The following SLC8A1 variants were observed in gnomAD, a reference collection of about 807,000 sequenced individuals.
SLC8A1 encodes sodium/calcium exchanger 1.
In SLC8A1, 18 loss-of-function variants were observed where a neutral mutation model predicts 68.3. That is an observed-to-expected ratio of 0.26 (90% CI 0.18 to 0.39). The LOEUF is 0.39. SLC8A1 is among the 10% of genes least tolerant of loss of function. SLC8A1 has a pLI of 1.00. For missense variants in SLC8A1, 985 were observed against 1,156.7 expected (o/e 0.85, Z 2.15); for synonymous variants, 475 against 415.5 (o/e 1.14, Z -1.74).
chr2:40,236,326 G>C (rs763216652), intron 2 of SLC8A1, among the ~76,000 whole-genome samples: 14 of 152,226 alleles, frequency 9.2e-5, no homozygotes, highest in Non-Finnish European at 1.6e-4. Context: ...AGCTCTTCTT[G>C]TTGAATTGAT....
At chr2:40,304,033 C>T (rs1227376268) in intron 2 of SLC8A1, among the ~76,000 whole-genome samples, 1 of 152,194 alleles carries the variant, frequency 6.6e-6, no homozygotes, top group Non-Finnish European at 1.5e-5. Context: ...AGGTCAACAT[C>T]TCCTTATGAA....
At chr2:40,457,964 A>T (rs576976578) in intron 1 of SLC8A1, among the ~76,000 whole-genome samples, 2 of 152,274 alleles carry the variant, frequency 1.3e-5, no homozygotes, top group African/African-American at 2.4e-5. Context: ...TGGGTTATTT[A>T]AAAAAATACT....
intron 1 of SLC8A1, among the ~76,000 whole-genome samples, chr2:40,480,724 G>A (rs1299583712): frequency 6.6e-6 from 1 of 152,166 alleles, no homozygotes; most frequent in Non-Finnish European, 1.5e-5. Context: ...GGCATGTCAA[G>A]TGCTCTAGAA....
chr2:40,319,866 T>C (rs2074970245), intron 2 of SLC8A1, among the ~76,000 whole-genome samples: 1 of 152,094 alleles, frequency 6.6e-6, no homozygotes, highest in Non-Finnish European at 1.5e-5. Context: ...ACAATTTTGC[T>C]CCTCCTTCTG....
chr2:40,428,804 C>G, exon 2 of SLC8A1: 1 of 1,613,822 alleles, frequency 6.2e-7, no homozygotes, highest in Non-Finnish European at 8.5e-7. Context: ...CTGAGATGCA[C>G]AAGGAAATTT....
intron 7 of SLC8A1, among the ~76,000 whole-genome samples, chr2:40,126,129 C>T (rs2038040616): frequency 6.6e-6 from 1 of 152,124 alleles, no homozygotes; most frequent in Non-Finnish European, 1.5e-5. Flanking sequence ...GGTCCTCATG[C>T]TGCCAGTACA....
In SLC8A1 at chr2:40,391,298, T is replaced by C. The variant is rs73928970; in HGVS notation, c.1808+37175A>G. 3.1e-3 allele frequency among the ~76,000 whole-genome samples: 478 copies of C among 152,060 alleles called. 2 individuals are homozygous for C. Among genetic ancestry groups the C allele is most frequent in the African/African-American group, 0.011 (454 of 41,508 alleles). ...AAGACTTTGAAGAAAAGCAGTTTAT[T>C]TGCTACTCAGAAAGGGAAAGTGATG... On this transcript the variant is annotated intron_variant, in intron 2 of 7. Transcript: ENST00000406785.
At chr2:40,503,095 G>A (rs1706146812) in intron 1 of SLC8A1, among the ~76,000 whole-genome samples, 1 of 151,924 alleles carries the variant, frequency 6.6e-6, no homozygotes, top group African/African-American at 2.4e-5. Flanking sequence ...AAAATTCCTT[G>A]AGCTGCATAA....
rs74466160 is a variant in SLC8A1 at position 40,366,700 on chromosome 2, C to A, written c.1808+61773G>T. Among the ~76,000 whole-genome samples, 384 of 151,724 alleles carry A rather than the reference C, an allele frequency of 2.5e-3. 1 individual carries two copies. The highest frequency in any genetic ancestry group is 4.4e-3 in the Non-Finnish European group (299 of 67,878). On this transcript the variant is annotated intron_variant, in intron 2 of 7. Coordinates refer to ENST00000406785, the Ensembl canonical transcript of SLC8A1. ...TTTTTCTGGCCCTTTAACTCCAGTA[C>A]CTTCTTTACTATCTCTGTTCCATAC...
At chr2:40,194,468 AAT>A (rs1491539392) in intron 2 of SLC8A1, among the ~76,000 whole-genome samples, 26 of 126,768 alleles carry the variant, frequency 2.1e-4, no homozygotes, top group East Asian at 1.2e-3. Context: ...CTCAGTAAGC[AAT>A]GTGTGTGTGT....
chr2:40,139,490 C>A (rs1264927475), exon 7 of SLC8A1: 1 of 1,614,172 alleles, frequency 6.2e-7, no homozygotes, highest in Non-Finnish European at 8.5e-7. Context: ...AGCCAGGTCT[C>A]CAATGAAAGC....
chr2:40,266,990 G>A (rs1197637690), intron 2 of SLC8A1, among the ~76,000 whole-genome samples: 1 of 152,066 alleles, frequency 6.6e-6, no homozygotes, highest in African/African-American at 2.4e-5. Context: ...AGGGGGTGAG[G>A]GCTTTCCCTC....
intron 6 of SLC8A1, 74 bp downstream of exon 9, chr2:40,160,691 C>G: frequency 7.5e-7 from 1 of 1,328,806 alleles, no homozygotes; most frequent in Non-Finnish European, 1.1e-6. Flanking sequence ...TGCCATAGAC[C>G]AAGTAGCCAC....
chr2:40,232,383 T>C (rs1429671662), intron 2 of SLC8A1, among the ~76,000 whole-genome samples: 3 of 118,964 alleles, frequency 2.5e-5, no homozygotes, highest in African/African-American at 9.5e-5. Flanking sequence ...CATGTGAATA[T>C]GGTGCAAGTT....
chr2:40,453,779 T>C (rs80173035), upstream of SLC8A1, among the ~76,000 whole-genome samples: 547 of 152,312 alleles, frequency 3.6e-3, no homozygotes, highest in Middle Eastern at 6.8e-3. Context: ...TCAATAGACC[T>C]GGAGCAGGCC....
At chr2:40,170,135 AC>A (rs1363405060) in intron 4 of SLC8A1, 145 bp downstream of exon 7, 6 of 703,896 alleles carry the variant, frequency 8.5e-6, no homozygotes, top group Non-Finnish European at 1.4e-5. Context: ...GTTGTAATCC[AC>A]CGTACCACTG....
At chr2:40,203,858 C>T (rs1163174774) in intron 2 of SLC8A1, among the ~76,000 whole-genome samples, 9 of 151,866 alleles carry the variant, frequency 5.9e-5, no homozygotes, top group Non-Finnish European at 1.0e-4. Context: ...GCATGAACTA[C>T]CACACCTGGC....
chr2:40,336,996 A>C (rs552028566), intron 2 of SLC8A1, among the ~76,000 whole-genome samples: 3 of 152,314 alleles, frequency 2.0e-5, no homozygotes, highest in African/African-American at 7.2e-5. Flanking sequence ...AGTAACTAGC[A>C]TCCTTAAAGA....
At chr2:40,451,785 A>ACACACACACACACACACAC (rs1576593602) in intron 1 of SLC8A1, 119 bp downstream of exon 1, 4 of 151,270 alleles carry the variant, frequency 2.6e-5, no homozygotes, top group Admixed American at 6.7e-5. Flanking sequence ...ACACACACAC[A>ACACACACACACACACACAC]AATTTAGAAG....
Sources: allele counts gnomAD v4.1 joint callset (sites outside exome capture counted in the v4.1 genomes callset), GRCh38; gene constraint gnomAD v4.1.1; transcripts MANE v1.5; gene names NCBI Gene and HGNC (gene_info 2026-07-23, HGNC 2026-07-21).